ZNF385D: variants seen among roughly 807,000 people sequenced by gnomAD.
ZNF385D encodes the protein zinc finger protein 659.
Under a neutral mutation model 35.8 loss-of-function variants are expected in ZNF385D, and 15 were observed. The ratio of observed to expected loss-of-function variants is 0.42; its 90% CI spans 0.28 to 0.64. The LOEUF is 0.64. ZNF385D is among the 30% of genes least tolerant of loss of function. ZNF385D has a pLI of 0.23. For missense variants in ZNF385D, 474 were observed against 494.6 expected, an observed-to-expected ratio of 0.96 and a Z score of 0.39; for synonymous variants, 212 against 186.8, an observed-to-expected ratio of 1.13 and a Z score of -1.10.
chr3:21,951,345 A>C (rs1702055063), intron 3 of ZNF385D, among the ~76,000 whole-genome samples: 2 of 151,366 alleles, frequency 1.3e-5, no homozygotes, highest in Non-Finnish European at 2.9e-5. Context: ...TGGCTATCTG[A>C]TTGTCTATTA....
chr3:21,545,054 TA>T (rs1171278889), intron 3 of ZNF385D, among the ~76,000 whole-genome samples: 1 of 152,358 alleles, frequency 6.6e-6, no homozygotes, highest in Non-Finnish European at 1.5e-5. Context: ...TTTCTAAAAC[TA>T]ATGGCTAAGT....
intron 3 of ZNF385D, among the ~76,000 whole-genome samples, chr3:22,072,706 A>G (rs1024691650): frequency 5.9e-5 from 9 of 151,926 alleles, no homozygotes; most frequent in Non-Finnish European, 1.2e-4. Flanking sequence ...AAAGGGAGAA[A>G]GAGGGAAGGA....
chr3:22,154,502 CTA>C (rs1332388171), intron 3 of ZNF385D, among the ~76,000 whole-genome samples: 2 of 152,152 alleles, frequency 1.3e-5, no homozygotes, highest in African/African-American at 4.8e-5. Flanking sequence ...GAGGAATACT[CTA>C]GAGTGCAAAT....
At chr3:21,974,805 G>A (rs1164152511) in intron 3 of ZNF385D, among the ~76,000 whole-genome samples, 1 of 152,058 alleles carries the variant, frequency 6.6e-6, no homozygotes, top group Non-Finnish European at 1.5e-5. Flanking sequence ...TGGCAAACAA[G>A]GATATAAAAG....
chr3:21,976,085 A>C (rs1246408256), intron 3 of ZNF385D, among the ~76,000 whole-genome samples: 1 of 152,138 alleles, frequency 6.6e-6, no homozygotes, highest in African/African-American at 2.4e-5. Flanking sequence ...GTATATGGGG[A>C]AAACTAGAGG....
intron 2 of ZNF385D, among the ~76,000 whole-genome samples, chr3:22,248,653 T>C (rs1286032797): frequency 6.6e-6 from 1 of 152,174 alleles, no homozygotes; most frequent in Non-Finnish European, 1.5e-5. Context: ...TCTTAATCTC[T>C]TCTTCCATAA....
intron 3 of ZNF385D, among the ~76,000 whole-genome samples, chr3:21,846,379 T>C (rs1222610563): frequency 6.6e-6 from 1 of 152,068 alleles, no homozygotes; most frequent in African/African-American, 2.4e-5. Context: ...GGAATAGTGC[T>C]TTTAAAAAGC....
intron 3 of ZNF385D, among the ~76,000 whole-genome samples, chr3:21,982,238 G>C (rs1040997330): frequency 1.3e-5 from 2 of 151,812 alleles, no homozygotes; most frequent in African/African-American, 4.8e-5. Context: ...TTTGTGTCTT[G>C]TCTTATTTCT....
intron 3 of ZNF385D, among the ~76,000 whole-genome samples, chr3:21,558,042 T>C (rs1013710680): frequency 1.6e-4 from 25 of 152,096 alleles, no homozygotes; most frequent in Non-Finnish European, 1.0e-4. Context: ...TCTTCTCCCT[T>C]TTCTTTATTA....
chr3:21,591,841 CT>C (rs2063985405), intron 2 of ZNF385D, among the ~76,000 whole-genome samples: 1 of 152,100 alleles, frequency 6.6e-6, no homozygotes, highest in Non-Finnish European at 1.5e-5. Context: ...GCCTAGGAAC[CT>C]TTGTCTTTCA....
At chr3:21,457,131 T>C (rs1702874346) in intron 4 of ZNF385D, among the ~76,000 whole-genome samples, 1 of 152,114 alleles carries the variant, frequency 6.6e-6, no homozygotes, top group African/African-American at 2.4e-5. Context: ...CCAATAAATA[T>C]TTCTTGAATG....
chr3:22,082,193 G>C (rs944668848), intron 3 of ZNF385D, among the ~76,000 whole-genome samples: 1 of 151,998 alleles, frequency 6.6e-6, no homozygotes, highest in Non-Finnish European at 1.5e-5. Context: ...TATCTCACTG[G>C]GACAGGTTGG....
At chr3:21,765,234 G>GAC (rs1414138380) in intron 3 of ZNF385D, among the ~76,000 whole-genome samples, 1 of 152,016 alleles carries the variant, frequency 6.6e-6, no homozygotes, top group Non-Finnish European at 1.5e-5. Context: ...GAGAGAGAGA[G>GAC]AGAGCATTTG....
chr3:22,193,163 A>G (rs575794070), intron 2 of ZNF385D, among the ~76,000 whole-genome samples: 10 of 152,298 alleles, frequency 6.6e-5, no homozygotes, highest in African/African-American at 1.2e-4. Flanking sequence ...TGAATAGTTT[A>G]TATCTCAACC....
At chr3:21,509,111 T>C (rs1282172258) in intron 4 of ZNF385D, among the ~76,000 whole-genome samples, 1 of 151,988 alleles carries the variant, frequency 6.6e-6, no homozygotes, top group Non-Finnish European at 1.5e-5. Flanking sequence ...ACCACACATA[T>C]ATATATTTTT....
At chr3:21,888,316 A>G (rs1698658883) in intron 3 of ZNF385D, among the ~76,000 whole-genome samples, 1 of 152,200 alleles carries the variant, frequency 6.6e-6, no homozygotes, top group South Asian at 2.1e-4. Context: ...TTGCAAAGAG[A>G]GAAAGTAAAA....
chr3:22,264,063 A>G (rs1256761905), intron 2 of ZNF385D, among the ~76,000 whole-genome samples: 1 of 152,020 alleles, frequency 6.6e-6, no homozygotes, highest in African/African-American at 2.4e-5. Context: ...CCAAAGGGAT[A>G]TGGAATGGAG....
intron 4 of ZNF385D, among the ~76,000 whole-genome samples, chr3:21,500,235 T>G (rs908748081): frequency 2.0e-5 from 3 of 152,224 alleles, no homozygotes; most frequent in African/African-American, 7.2e-5. Context: ...ATTCAAGTTG[T>G]TACTATGTAC....
At chr3:21,799,269 T>A (rs375755716) in intron 3 of ZNF385D, among the ~76,000 whole-genome samples, 1 of 152,170 alleles carries the variant, frequency 6.6e-6, no homozygotes, top group Admixed American at 6.5e-5. Flanking sequence ...CCCATACATG[T>A]TTTTTGGAAT....
Sources: gnomAD v4.1 joint callset for allele counts (sites outside exome capture counted in the v4.1 genomes callset) on GRCh38, gnomAD v4.1.1 for gene constraint, MANE v1.5 for transcripts, NCBI Gene and HGNC (gene_info 2026-07-23, HGNC 2026-07-21) for gene names.